The following SLC8A3 variants were observed in gnomAD, a reference collection of about 807,000 sequenced individuals.
The protein encoded by SLC8A3 is sodium/calcium exchanger 3.
In SLC8A3, 37 loss-of-function variants were observed where a neutral mutation model predicts 65.4. That is an observed-to-expected ratio of 0.57 (90% confidence interval 0.44 to 0.74). SLC8A3 has a LOEUF of 0.74. Ranked by LOEUF, SLC8A3 falls within the 30% of genes least tolerant of loss-of-function variation. The probability of loss-of-function intolerance (pLI) is 0.00; values close to 1 mark genes in which losing one functional copy is unlikely to be tolerated. For missense variants in SLC8A3, 1,112 were observed against 1,172.1 expected (o/e 0.95, Z 0.75); for synonymous variants, 461 against 444.5 (o/e 1.04, Z -0.47).
chr14:70,157,868 T>C (rs915474004), intron 2 of SLC8A3, among the ~76,000 whole-genome samples: 2 of 152,250 alleles, frequency 1.3e-5, no homozygotes, highest in East Asian at 3.8e-4. Context: ...GGTGCTATCA[T>C]GAAGCTAGTT....
At chr14:70,062,890 CAT>C (rs1192391517) in intron 2 of SLC8A3, among the ~76,000 whole-genome samples, 1 of 152,122 alleles carries the variant, frequency 6.6e-6, no homozygotes, top group Non-Finnish European at 1.5e-5. Context: ...TGACAACAGG[CAT>C]GTACTGGAGG....
intron 2 of SLC8A3, among the ~76,000 whole-genome samples, chr14:70,109,453 G>GTATATATA (rs3078221): frequency 6.8e-6 from 1 of 146,548 alleles, no homozygotes; most frequent in African/African-American, 2.5e-5. Context: ...GTACGTGTGT[G>GTATATATA]TATATATATA....
At chr14:70,189,350 G>A (rs1027544336), upstream of SLC8A3, among the ~76,000 whole-genome samples, 6 of 152,186 alleles carry the variant, frequency 3.9e-5, no homozygotes, top group Non-Finnish European at 5.9e-5. Flanking sequence ...GCAGGCGGGC[G>A]CGCGGCACCG....
At chr14:70,187,249 C>T (rs1295142728) in intron 1 of SLC8A3, 1 of 150,654 alleles carries the variant, frequency 6.6e-6, no homozygotes, top group African/African-American at 2.6e-5. Flanking sequence ...TTTTTAATCG[C>T]CAGGAAAGGG....
At chr14:70,172,875 C>T (rs982477445) in intron 1 of SLC8A3, among the ~76,000 whole-genome samples, 2 of 151,992 alleles carry the variant, frequency 1.3e-5, no homozygotes, top group Non-Finnish European at 2.9e-5. Context: ...TGAAATGAGA[C>T]TTCAAGCATG....
Position 70,046,448 on chromosome 14 carries a change from G to C in SLC8A3, c.2390-125C>G. 1 of 951,668 alleles carries C rather than the reference G, an allele frequency of 1.1e-6. No homozygotes were observed. Among genetic ancestry groups the C allele is most frequent in the Non-Finnish European group, 1.5e-6 (1 of 650,736 alleles). The allele number at this position is 951,668 out of a possible 1,614,324, so 59.0% of individuals were successfully genotyped here. On this transcript the variant is annotated intron_variant, in intron 6 of 6. Transcript: ENST00000356921. The surrounding 1 kb of genome is among the most constrained non-coding windows in gnomAD (Gnocchi z 4.2). ...ACCCAGGAATGAGAGACAAGGGCTA[G>C]GGGGCCACTCCTAACTCCTAGTTCT...
chr14:70,055,840 T>TGGAA (rs1888054402), intron 3 of SLC8A3: 1 of 1,605,280 alleles, frequency 6.2e-7, no homozygotes, highest in African/African-American at 1.3e-5. Context: ...ACCAGAAAAA[T>TGGAA]GGAAGAAAGA....
intron 2 of SLC8A3, among the ~76,000 whole-genome samples, chr14:70,132,262 C>T (rs1382249052): frequency 5.3e-5 from 8 of 152,224 alleles, no homozygotes; most frequent in Admixed American, 1.3e-4. Context: ...CCAGAAAAAG[C>T]AGCAAGGTCA....
intron 3 of SLC8A3, among the ~76,000 whole-genome samples, chr14:70,053,144 G>T (rs1887689921): frequency 6.6e-6 from 1 of 152,198 alleles, no homozygotes; most frequent in Non-Finnish European, 1.5e-5. Context: ...CAGTGTTCGG[G>T]CACCAAACAC....
At chr14:70,096,428 A>G (rs1892184678) in intron 2 of SLC8A3, among the ~76,000 whole-genome samples, 5 of 152,206 alleles carry the variant, frequency 3.3e-5, no homozygotes. Flanking sequence ...ACTCCAGGAC[A>G]GGTGGCCCCT....
At chr14:70,065,400 A>C (rs1594921124) in intron 2 of SLC8A3, among the ~76,000 whole-genome samples, 1 of 151,382 alleles carries the variant, frequency 6.6e-6, no homozygotes, top group East Asian at 2.0e-4. Context: ...TGCCACACCC[A>C]CCCCAGTCAT....
In SLC8A3 at chr14:70,074,815, C is replaced by G. The variant is rs1320565589; in HGVS notation, c.1785-13876G>C. ...AACAAATCCATGATAAACAAAATATCAAAATGTTAATAAAGACAGGTTCCT... is the reference window on the plus strand; with the variant it reads ...AACAAATCCATGATAAACAAAATATGAAAATGTTAATAAAGACAGGTTCCT... On this transcript the variant is annotated intron_variant, in intron 2 of 6. Transcript: ENST00000356921. Among the ~76,000 whole-genome samples the G allele has an allele frequency of 5.3e-5, 8 of 150,888 alleles. No individual in the cohort carries two copies. In the East Asian group the frequency reaches 1.5e-3, roughly 29 times the overall value.
intron 2 of SLC8A3, among the ~76,000 whole-genome samples, chr14:70,072,178 G>A (rs1890068205): frequency 6.6e-6 from 1 of 152,144 alleles, no homozygotes. Flanking sequence ...TTTATAACTG[G>A]GCATCACAGC....
chr14:70,103,480 G>A (rs1381539822), intron 2 of SLC8A3, among the ~76,000 whole-genome samples: 1 of 152,002 alleles, frequency 6.6e-6, no homozygotes, highest in Non-Finnish European at 1.5e-5. Flanking sequence ...TACAATGTAC[G>A]TGATGTAATA....
At chr14:70,098,087 G>A (rs17175465) in intron 2 of SLC8A3, among the ~76,000 whole-genome samples, 12,405 of 152,180 alleles carry the variant, frequency 0.082, 637 homozygotes, top group Middle Eastern at 0.14. Context: ...TAGCATAAGT[G>A]TCACCCTGGC....
intron 2 of SLC8A3, among the ~76,000 whole-genome samples, chr14:70,065,999 C>A (rs1889381199): frequency 6.6e-6 from 1 of 152,228 alleles, no homozygotes; most frequent in Admixed American, 6.5e-5. Flanking sequence ...GCTGGACAGA[C>A]AACATGTCAT....
At chr14:70,093,592 A>G (rs549792720) in intron 2 of SLC8A3, among the ~76,000 whole-genome samples, 1 of 152,336 alleles carries the variant, frequency 6.6e-6, no homozygotes, top group South Asian at 2.1e-4. Flanking sequence ...AGGCCACTTC[A>G]GGGCTGATGG....
intron 5 of SLC8A3, 77 bp downstream of exon 5, chr14:70,050,931 C>G: frequency 1.2e-6 from 1 of 859,340 alleles, no homozygotes; most frequent in South Asian, 1.4e-5. Context: ...GACTGGCAGG[C>G]TGTTAACGTG....
chr14:70,119,777 G>A (rs946124690), intron 2 of SLC8A3, among the ~76,000 whole-genome samples: 2 of 152,214 alleles, frequency 1.3e-5, no homozygotes, highest in African/African-American at 4.8e-5. Flanking sequence ...TAACCTCATA[G>A]GATTGTTGTG....
Sources: gnomAD v4.1 joint callset for allele counts (sites outside exome capture counted in the v4.1 genomes callset) on GRCh38, gnomAD v4.1.1 for gene constraint, Gnocchi (gnomAD v3.1) non-coding constraint, MANE v1.5 for transcripts, NCBI Gene and HGNC (gene_info 2026-07-23, HGNC 2026-07-21) for gene names.